TPPP: variants seen among roughly 807,000 people sequenced by gnomAD.
TPPP encodes tubulin polymerization promoting protein, also known as tubulin polymerization-promoting protein.
TPPP carries 6 observed loss-of-function variants against 15.5 expected under a neutral mutation model. That is an observed-to-expected ratio of 0.39 (90% confidence interval 0.21 to 0.77). The LOEUF (loss-of-function observed/expected upper bound fraction) is 0.77. Ranked by LOEUF, TPPP falls within the 30% of genes least tolerant of loss-of-function variation. The probability of loss-of-function intolerance (pLI) is 0.42; values close to 1 mark genes in which losing one functional copy is unlikely to be tolerated. For synonymous variants in TPPP, 146 were observed against 133.9 expected (o/e 1.09, Z -0.63); for missense variants, 269 against 307.2 (o/e 0.88, Z 0.93).
In TPPP at chr5:661,480, T is replaced by C. The variant is rs1019270546; in HGVS notation, c.*3622A>G. ...TCACCCCTGACAGAACCTGTCCCTC[T>C]CTCCTGGTTTGCAGGTTGTGCAGTT... On this transcript the variant is annotated 3_prime_UTR_variant, in exon 4 of 4. Coordinates refer to ENST00000360578, the MANE Select transcript of TPPP (RefSeq NM_007030.3). The C allele has an allele frequency of 6.6e-6, 1 of 152,440 alleles. No homozygotes were observed. Among genetic ancestry groups the C allele is most frequent in the Non-Finnish European group, 1.5e-5 (1 of 68,080 alleles). The allele number at this position is 152,440 out of a possible 1,614,324, so 9.4% of individuals were successfully genotyped here.
At chr5:696,336 A>T (rs1280042429), upstream of TPPP, among the ~76,000 whole-genome samples, 35 of 130,422 alleles carry the variant, frequency 2.7e-4, 1 homozygote, top group Non-Finnish European at 3.6e-4. Flanking sequence ...AGCAGCAGAC[A>T]TGAAAAGGCC....
chr5:675,482 A>ATGGGTGCAGTGTGGCCG (rs1554022380), intron 2 of TPPP, among the ~76,000 whole-genome samples: 1,203 of 91,120 alleles, frequency 0.013, 57 homozygotes, highest in African/African-American at 0.058. Flanking sequence ...CAGTGTGGCC[A>ATGGGTGCAGTGTGGCCG]GGGGTACATT....
upstream of TPPP, among the ~76,000 whole-genome samples, chr5:694,262 G>A (rs867442858): frequency 7.3e-5 from 11 of 151,650 alleles, no homozygotes; most frequent in South Asian, 1.9e-3. Flanking sequence ...ATGACAGGGC[G>A]GTTCTGTGGT....
chr5:696,966 CTGTG>C (rs143162255), upstream of TPPP, among the ~76,000 whole-genome samples: 24,286 of 142,070 alleles, frequency 0.17, 16 homozygotes, highest in East Asian at 0.34. Context: ...GTGCCTGTGT[CTGTG>C]TGTTTGCATG....
intron 2 of TPPP, among the ~76,000 whole-genome samples, chr5:668,232 T>C (rs75768646): frequency 0.22 from 7,226 of 32,676 alleles, 2,006 homozygotes; most frequent in African/African-American, 0.59. Flanking sequence ...GAGGGGGCCG[T>C]GTGGGCGCCG....
At chr5:667,369 T>G (rs998871216) in intron 2 of TPPP, among the ~76,000 whole-genome samples, 1 of 152,182 alleles carries the variant, frequency 6.6e-6, no homozygotes, top group Non-Finnish European at 1.5e-5. Flanking sequence ...GTGATCCCTG[T>G]GCAAATTAAA....
chr5:672,367 ATCCACCCAGGT>A (rs1379535582), intron 2 of TPPP, among the ~76,000 whole-genome samples: 2 of 152,242 alleles, frequency 1.3e-5, no homozygotes, highest in African/African-American at 4.8e-5. Flanking sequence ...ACCACCCAGT[ATCCACCCAGGT>A]GTCTATAGGA....
intron 1 of TPPP, among the ~76,000 whole-genome samples, chr5:683,292 GAC>G (rs57564666): frequency 0.3 from 34,162 of 114,868 alleles, 8,348 homozygotes; most frequent in African/African-American, 0.68. Flanking sequence ...TGCGGAGAAA[GAC>G]ACTCTGATGG....
chr5:675,111 C>T (rs1418805270), intron 2 of TPPP, among the ~76,000 whole-genome samples: 1 of 8,110 alleles, frequency 1.2e-4, no homozygotes, highest in Non-Finnish European at 2.1e-4. Context: ...AGGGGTGCAG[C>T]ACGGGGGGTA....
intron 1 of TPPP, among the ~76,000 whole-genome samples, chr5:687,216 T>A (rs544891718): frequency 7.1e-6 from 1 of 141,580 alleles, no homozygotes; most frequent in African/African-American, 2.6e-5. Flanking sequence ...GCTTCTGGTC[T>A]CCAGGAGGAT....
At chr5:678,938 C>T (rs1406853472) in intron 1 of TPPP, among the ~76,000 whole-genome samples, 2 of 152,088 alleles carry the variant, frequency 1.3e-5, no homozygotes, top group Admixed American at 1.3e-4. Flanking sequence ...CCCAGTCAGG[C>T]CCTGAAGGAC....
rs1278777007 is a variant in TPPP, at chr5:660,306, G to T, written c.*4796C>A. 6.6e-6 allele frequency: 1 copy of T among 151,898 alleles called. No homozygotes were observed. 9.4% of individuals were successfully genotyped at this position (151,898 alleles called of 1,614,324 possible). On this transcript the variant is annotated 3_prime_UTR_variant, in exon 4 of 4. Transcript: ENST00000360578. The stretch of plus-strand genomic sequence containing the variant: ...ATCCCTTTCAAGTTTCTCTTAAGTT[G>T]TGCAGATTTCCTTTGTGGTTTGGCT...
At chr5:672,315 C>G (rs1740252136) in intron 2 of TPPP, among the ~76,000 whole-genome samples, 1 of 152,196 alleles carries the variant, frequency 6.6e-6, no homozygotes, top group Non-Finnish European at 1.5e-5. Flanking sequence ...TGGCTTCCTT[C>G]TAACCAGCGT....
chr5:697,953 G>T (rs1425564461), upstream of TPPP, among the ~76,000 whole-genome samples: 1 of 143,784 alleles, frequency 7.0e-6, no homozygotes, highest in Non-Finnish European at 1.5e-5. Flanking sequence ...CCAGAAAATA[G>T]AACCCAACAG....
intron 1 of TPPP, among the ~76,000 whole-genome samples, chr5:682,628 G>A (rs532663628): frequency 2.3e-4 from 35 of 152,032 alleles, no homozygotes; most frequent in Non-Finnish European, 3.7e-4. Context: ...TGTCACTAGC[G>A]CCAGGGGTCT....
intron 2 of TPPP, among the ~76,000 whole-genome samples, chr5:672,224 A>G (rs1740248287): frequency 1.3e-5 from 2 of 152,082 alleles, no homozygotes; most frequent in South Asian, 2.1e-4. Flanking sequence ...GGGGTGTACC[A>G]GGCTCAGCAG....
At chr5:699,410 T>G in the TPPP span, among the ~76,000 whole-genome samples, 2 of 152,058 alleles carry the variant, frequency 1.3e-5, no homozygotes, top group Non-Finnish European at 2.9e-5. Context: ...AAAAGTGGAT[T>G]GGCATATGCA....
At chr5:686,615 C>T (rs1027208201) in intron 1 of TPPP, among the ~76,000 whole-genome samples, 15 of 143,376 alleles carry the variant, frequency 1.0e-4, no homozygotes, top group East Asian at 2.0e-4. Context: ...AACCTGTGAA[C>T]GCGACCTTGT....
upstream of TPPP, among the ~76,000 whole-genome samples, chr5:697,644 A>T (rs571857786): frequency 6.6e-6 from 1 of 152,182 alleles, no homozygotes; most frequent in South Asian, 2.1e-4. Context: ...GAGCCTGGTC[A>T]GCTTCTGTCC....
Sources: gnomAD v4.1 joint callset for allele counts (sites outside exome capture counted in the v4.1 genomes callset) on GRCh38, gnomAD v4.1.1 for gene constraint, MANE v1.5 for transcripts, NCBI Gene and HGNC (gene_info 2026-07-23, HGNC 2026-07-21) for gene names.